SERAC1: variants seen among roughly 807,000 people sequenced by gnomAD.
The protein encoded by SERAC1 is protein SERAC1.
Under a neutral mutation model 85.7 loss-of-function variants are expected in SERAC1, and 36 were observed. That is an observed-to-expected ratio of 0.42 (90% confidence interval 0.32 to 0.55). The LOEUF (loss-of-function observed/expected upper bound fraction) is 0.55. Ranked by LOEUF, SERAC1 falls within the 20% of genes least tolerant of loss-of-function variation. SERAC1 has a pLI of 0.11. For synonymous variants in SERAC1, 242 were observed against 265.3 expected (o/e 0.91, Z 0.85); for missense variants, 629 against 796.2 (o/e 0.79, Z 2.53).
At chr6:158,159,167 C>G (rs577731828) in intron 1 of SERAC1, 1 of 152,036 alleles carries the variant, frequency 6.6e-6, no homozygotes, top group Non-Finnish European at 1.5e-5. Flanking sequence ...GCATCCTGTC[C>G]TTTTCCTAAC....
intron 10 of SERAC1, among the ~76,000 whole-genome samples, chr6:158,123,520 CACGTAGAAGGTTTA>C (rs1361946236): frequency 5.9e-5 from 9 of 152,192 alleles, no homozygotes; most frequent in African/African-American, 1.9e-4. Context: ...GTTTAAGGAA[CACGTAGAAGGTTTA>C]CAATAGTCAT....
intron 1 of SERAC1, chr6:158,158,700 G>T: frequency 5.5e-6 from 1 of 182,984 alleles, no homozygotes; most frequent in Admixed American, 5.8e-5. Context: ...CTATTAATCA[G>T]AATACCAATA....
At chr6:158,156,895 T>TATAAATATTAATATATTTAC in intron 2 of SERAC1, among the ~76,000 whole-genome samples, 1 of 132,142 alleles carries the variant, frequency 7.6e-6, no homozygotes, top group African/African-American at 2.8e-5. Context: ...AATATATTTA[T>TATAAATATTAATATATTTAC]ATAGATATTA....
intron 6 of SERAC1, chr6:158,145,918 AG>A (rs1785044812): frequency 6.6e-6 from 1 of 152,200 alleles, no homozygotes; most frequent in Non-Finnish European, 1.5e-5. Context: ...AGAAGATATG[AG>A]TTCTTTTAAA....
At position 158,110,983 on chromosome 6, in the gene SERAC1, A is replaced by G. The variant is rs1212076827; in HGVS notation, c.*383T>C. On this transcript the variant is annotated 3_prime_UTR_variant, in exon 17 of 17. Coordinates refer to ENST00000647468, the MANE Select transcript of SERAC1 (RefSeq NM_032861.4). ...CCATTTTAGGTACTCTCTTAATGGCATTTTTATGGTAAGTTGAGTTACCTC... is the reference window on the plus strand; with the variant it reads ...CCATTTTAGGTACTCTCTTAATGGCGTTTTTATGGTAAGTTGAGTTACCTC... The G allele has an allele frequency of 1.3e-5, 2 of 156,456 alleles. No individual in the cohort carries two copies. The allele number at this position is 156,456 out of a possible 1,614,324, so 9.7% of individuals were successfully genotyped here. A position where few individuals can be genotyped will look rare whatever the true frequency, so the allele number is the denominator to read the frequency against.
chr6:158,155,161 C>T (rs1562458632), intron 3 of SERAC1, among the ~76,000 whole-genome samples, 154 bp downstream of exon 3: 1 of 152,170 alleles, frequency 6.6e-6, no homozygotes, highest in Admixed American at 6.5e-5. Flanking sequence ...CACATCATGA[C>T]AACATTTAAG....
rs779152965 is a variant in SERAC1, at chr6:158,146,771, A to G, written c.487+11T>C. On this transcript the variant is annotated intron_variant, in intron 6 of 16. Coordinates refer to ENST00000647468, the MANE Select transcript of SERAC1 (RefSeq NM_032861.4). ...CTGAAGGCATGCCACCTGTTCAGGT[A>G]GTCTCATTACCATGCCAGTGATGGG... 1.2e-6 allele frequency: 2 copies of G among 1,612,994 alleles called. No homozygotes were observed. The highest frequency in any genetic ancestry group is 1.7e-6 in the Non-Finnish European group (2 of 1,179,266).
intron 8 of SERAC1, 50 bp downstream of exon 8, chr6:158,143,006 G>T (rs1194689391): frequency 6.9e-7 from 1 of 1,449,044 alleles, no homozygotes; most frequent in East Asian, 2.3e-5. Flanking sequence ...ACAATACATT[G>T]GAAAGGGTGG....
At chr6:158,155,625 A>G (rs189156686) in intron 2 of SERAC1, among the ~76,000 whole-genome samples, 2 of 152,252 alleles carry the variant, frequency 1.3e-5, no homozygotes, top group African/African-American at 4.8e-5. Flanking sequence ...TACTGATGCT[A>G]GTAGGACTAC....
chr6:158,135,866 G>C (rs1392986674), intron 8 of SERAC1, among the ~76,000 whole-genome samples: 1 of 152,148 alleles, frequency 6.6e-6, no homozygotes, highest in East Asian at 1.9e-4. Flanking sequence ...CTGGAGTGCA[G>C]TGGTGCAATC....
At chr6:158,113,368 G>C in intron 16 of SERAC1, 81 bp downstream of exon 16, 1 of 1,114,436 alleles carries the variant, frequency 9.0e-7, no homozygotes, top group Non-Finnish European at 1.3e-6. Context: ...TGAGAACCTG[G>C]ATATAAAAAT....
intron 10 of SERAC1, among the ~76,000 whole-genome samples, chr6:158,126,253 T>C (rs1784537616): frequency 6.6e-6 from 1 of 152,168 alleles, no homozygotes; most frequent in Admixed American, 6.5e-5. Context: ...CATTCTCCAC[T>C]AAAAGTATAG....
chr6:158,111,996 A>G (rs1583553726), intron 16 of SERAC1: 1 of 153,090 alleles, frequency 6.5e-6, no homozygotes, highest in Non-Finnish European at 1.5e-5. Flanking sequence ...GGAAGTGATA[A>G]GAGGTACTAG....
chr6:158,113,863 C>A (rs1322524353), intron 15 of SERAC1, among the ~76,000 whole-genome samples: 2 of 152,072 alleles, frequency 1.3e-5, no homozygotes, highest in Non-Finnish European at 2.9e-5. Flanking sequence ...TGTGTGGGAC[C>A]ACAGGGGTCC....
At chr6:158,133,107 G>A (rs1366156603) in intron 8 of SERAC1, among the ~76,000 whole-genome samples, 1 of 152,090 alleles carries the variant, frequency 6.6e-6, no homozygotes, top group Admixed American at 6.5e-5. Context: ...AGGCGTTCAA[G>A]ACCAGCCTGG....
chr6:158,115,563 C>T (rs1267098788), intron 14 of SERAC1, among the ~76,000 whole-genome samples: 1 of 152,216 alleles, frequency 6.6e-6, no homozygotes, highest in Non-Finnish European at 1.5e-5. Context: ...ACCTCAGAGG[C>T]AATCCTGAGT....
chr6:158,149,562 A>G (rs1785156455), intron 4 of SERAC1, among the ~76,000 whole-genome samples: 1 of 152,244 alleles, frequency 6.6e-6, no homozygotes, highest in Admixed American at 6.5e-5. Context: ...TGCAATATCC[A>G]GGAAAATGTC....
At chr6:158,153,976 C>A (rs1785265262) in intron 3 of SERAC1, among the ~76,000 whole-genome samples, 1 of 148,354 alleles carries the variant, frequency 6.7e-6, no homozygotes, top group South Asian at 2.1e-4. Flanking sequence ...ACTAAAAATA[C>A]AAATACAAAT....
intron 8 of SERAC1, among the ~76,000 whole-genome samples, chr6:158,138,171 G>A (rs946468189): frequency 6.6e-6 from 1 of 152,128 alleles, no homozygotes; most frequent in Admixed American, 6.5e-5. Flanking sequence ...AGTGGCTCAC[G>A]CCTGTAATCC....
Sources: gnomAD v4.1 joint callset for allele counts (sites outside exome capture counted in the v4.1 genomes callset) on GRCh38, gnomAD v4.1.1 for gene constraint, MANE v1.5 for transcripts, NCBI Gene and HGNC (gene_info 2026-07-23, HGNC 2026-07-21) for gene names.